The following GSTA3 variants were observed in gnomAD, a reference collection of about 807,000 sequenced individuals.
The protein encoded by GSTA3 is glutathione S-transferase A3.
A neutral mutation model predicts 23.1 loss-of-function variants in GSTA3; 16 were observed. The observed-to-expected ratio is 0.69, with a 90% CI of 0.47 to 1.05. GSTA3 has a LOEUF of 1.05. Ranked by LOEUF, GSTA3 falls within the 50% of genes least tolerant of loss-of-function variation. The pLI is 0.00. For synonymous variants in GSTA3, 122 were observed against 91.0 expected, an observed-to-expected ratio of 1.34 and a Z score of -1.94; for missense variants, 319 against 263.6, an observed-to-expected ratio of 1.21 and a Z score of -1.46.
rs781573000 is a variant in GSTA3 at position 52,896,792 on chromosome 6, C to A, written c.*14G>T. 4.3e-6 allele frequency: 7 copies of A among 1,613,696 alleles called. No homozygotes were observed. The African/African-American group carries it at 5.3e-5, about 12-fold the overall frequency. Reference sequence around the variant, plus strand: ...TATTGGTCTTGCATGTTCTTAGCCTCCATGGCTGCTTTATTAAAACCTGAA... The same window carrying A: ...TATTGGTCTTGCATGTTCTTAGCCTACATGGCTGCTTTATTAAAACCTGAA... On this transcript the variant is annotated 3_prime_UTR_variant, in exon 7 of 7. Coordinates refer to ENST00000211122, the MANE Select transcript of GSTA3 (RefSeq NM_000847.5).
At chr6:52,904,532 C>A (rs1399119506) in intron 2 of GSTA3, among the ~76,000 whole-genome samples, 4 of 152,176 alleles carry the variant, frequency 2.6e-5, no homozygotes, top group Non-Finnish European at 5.9e-5. Flanking sequence ...GAAAGTGCCG[C>A]CCCGAGGTTC....
chr6:52,905,868 A>G lies in GSTA3; in HGVS notation c.-21-13T>C. 1.6e-6 allele frequency: 2 copies of G among 1,276,714 alleles called. No individual in the cohort carries two copies. Among genetic ancestry groups the G allele is most frequent in the Non-Finnish European group, 2.3e-6 (2 of 880,658 alleles). The allele number at this position is 1,276,714 out of a possible 1,614,324, so 79.1% of individuals were successfully genotyped here. A position where few individuals can be genotyped will look rare whatever the true frequency, so the allele number is the denominator to read the frequency against. On this transcript the variant is annotated splice_polypyrimidine_tract_variant and intron_variant, in intron 1 of 6. Transcript: ENST00000211122. ...TCTCTTGGTTTCTCTAAAATGAATG[A>G]ATGAATGCATGAATGGATGAATGAA...
intron 1 of GSTA3, among the ~76,000 whole-genome samples, chr6:52,908,274 C>G (rs193146194): frequency 4.0e-5 from 6 of 151,834 alleles, no homozygotes; most frequent in African/African-American, 1.4e-4. Context: ...ATAATCCCAG[C>G]ACTTCGGAAG....
chr6:52,904,170 T>G (rs570995559), intron 2 of GSTA3, among the ~76,000 whole-genome samples: 1 of 152,082 alleles, frequency 6.6e-6, no homozygotes, highest in Admixed American at 6.5e-5. Flanking sequence ...ATTTCTATTT[T>G]GTAGTGCTGG....
chr6:52,902,500 A>AT (rs1561954028), intron 3 of GSTA3, 22 bp from the exon 4 acceptor site: 2 of 1,596,384 alleles, frequency 1.3e-6, no homozygotes, highest in Non-Finnish European at 1.7e-6. Context: ...AGGAAAAAAA[A>AT]GGAACATGAA....
rs1765789143 is a variant in GSTA3 at position 52,903,837 on chromosome 6, CTGAG to C, written c.88-114_88-111del. ...ACATAATTTGGAGAACATAAGATTTCTGAGTTTGGCAGGGGACACAGAAGAAGCT... is the reference window on the plus strand; with the variant it reads ...ACATAATTTGGAGAACATAAGATTTCTTTGGCAGGGGACACAGAAGAAGCT... On this transcript the variant is annotated intron_variant, in intron 2 of 6. Coordinates refer to ENST00000211122, the MANE Select transcript of GSTA3 (RefSeq NM_000847.5). The C allele has an allele frequency of 1.0e-5, 7 of 687,092 alleles. No individual in the cohort carries two copies. The Admixed American group carries it at 1.6e-4, about 16-fold the overall frequency. The allele number at this position is 687,092 out of a possible 1,614,324, so 42.6% of individuals were successfully genotyped here.
chr6:52,907,181 G>A (rs1581871237), intron 1 of GSTA3, among the ~76,000 whole-genome samples: 1 of 115,742 alleles, frequency 8.6e-6, no homozygotes, highest in South Asian at 2.4e-4. Flanking sequence ...CTCAAAAGAA[G>A]ACATTTATGC....
intron 2 of GSTA3, among the ~76,000 whole-genome samples, chr6:52,905,027 C>T (rs1765844332): frequency 6.6e-6 from 1 of 152,198 alleles, no homozygotes; most frequent in African/African-American, 2.4e-5. Context: ...TGAATATACT[C>T]AGTATTTAAC....
At chr6:52,901,973 C>T (rs1447332411) in intron 4 of GSTA3, among the ~76,000 whole-genome samples, 3 of 152,178 alleles carry the variant, frequency 2.0e-5, no homozygotes, top group Admixed American at 6.5e-5. Context: ...CTCCCCAGGC[C>T]TTCATCTACA....
chr6:52,896,771 G>T lies in GSTA3; in HGVS notation c.*35C>A. 6.2e-7 allele frequency: 1 copy of T among 1,610,912 alleles called. No individual in the cohort carries two copies. The highest frequency in any genetic ancestry group is 8.5e-7 in the Non-Finnish European group (1 of 1,178,180). On this transcript the variant is annotated 3_prime_UTR_variant, in exon 7 of 7. Coordinates refer to ENST00000211122, the MANE Select transcript of GSTA3 (RefSeq NM_000847.5). ...CATTGTTGCAAAACTTTAGAATATT[G>T]GTCTTGCATGTTCTTAGCCTCCATG...
At chr6:52,901,084 T>C (rs1765668118) in intron 4 of GSTA3, among the ~76,000 whole-genome samples, 1 of 152,212 alleles carries the variant, frequency 6.6e-6, no homozygotes, top group Non-Finnish European at 1.5e-5. Flanking sequence ...TGTGTTTAAT[T>C]AGGTTTTCCA....
intron 1 of GSTA3, among the ~76,000 whole-genome samples, chr6:52,907,469 C>T (rs1478105826): frequency 6.7e-6 from 1 of 150,122 alleles, no homozygotes; most frequent in Non-Finnish European, 1.5e-5. Flanking sequence ...CATCCCATTA[C>T]TGGGTATATA....
At chr6:52,902,503 A>C (rs1240268033) in intron 3 of GSTA3, 25 bp from the exon 4 acceptor site, 1 of 1,594,484 alleles carries the variant, frequency 6.3e-7, no homozygotes, top group East Asian at 2.2e-5. Flanking sequence ...AAAAAAAAGG[A>C]ACATGAAATT....
At chr6:52,900,478 G>C (rs907296401) in intron 4 of GSTA3, among the ~76,000 whole-genome samples, 1 of 151,998 alleles carries the variant, frequency 6.6e-6, no homozygotes, top group African/African-American at 2.4e-5. Flanking sequence ...GGCCAGGCTG[G>C]TCTCAAACCC....
At chr6:52,907,985 A>T (rs1765950771) in intron 1 of GSTA3, among the ~76,000 whole-genome samples, 1 of 151,206 alleles carries the variant, frequency 6.6e-6, no homozygotes, top group Non-Finnish European at 1.5e-5. Flanking sequence ...AATAATAAAT[A>T]AATAAATTAA....
intron 4 of GSTA3, 84 bp downstream of exon 4, chr6:52,902,262 C>T: frequency 6.5e-7 from 1 of 1,543,540 alleles, no homozygotes; most frequent in Admixed American, 1.8e-5. Context: ...GGTCATGATG[C>T]CCTGTCATGG....
rs765746856 is a variant in GSTA3, at chr6:52,902,405, A to G, written c.213T>C (p.Ile71=). 11 of 1,614,020 alleles carry G rather than the reference A, an allele frequency of 6.8e-6. No homozygotes were observed. Among genetic ancestry groups the G allele is most frequent in the Non-Finnish European group, 8.5e-6 (10 of 1,179,922 alleles). Residue 71 remains isoleucine (I), a synonymous_variant, in exon 4 of 7, where the codon ATT becomes ATC. Transcript: ENST00000211122. ...TGTATTTGCTGGCAATGTAGTTGAG[A>G]ATGGCTCTGGTCTGTACCAACTTCA... The part of the protein sequence containing the change: ...DGMKLVQTRA[I]LNYIASKYNL...
chr6:52,906,545 C>G (rs1273584101), intron 1 of GSTA3, among the ~76,000 whole-genome samples: 1 of 152,226 alleles, frequency 6.6e-6, no homozygotes, highest in African/African-American at 2.4e-5. Flanking sequence ...AGGCATCACA[C>G]TATCTCACTT....
chr6:52,907,051 C>T (rs1389230308), intron 1 of GSTA3, among the ~76,000 whole-genome samples: 83 of 149,688 alleles, frequency 5.5e-4, no homozygotes, highest in African/African-American at 2.0e-3. Flanking sequence ...AGAAAATTTT[C>T]GCAACCTACT....
Sources: allele counts gnomAD v4.1 joint callset (sites outside exome capture counted in the v4.1 genomes callset), GRCh38; gene constraint gnomAD v4.1.1; transcripts MANE v1.5; gene names NCBI Gene and HGNC (gene_info 2026-07-23, HGNC 2026-07-21).